The following RAPH1 variants were observed in gnomAD, a reference collection of about 807,000 sequenced individuals.
The protein encoded by RAPH1 is ras-associated and pleckstrin homology domains-containing protein 1.
RAPH1 carries 18 observed loss-of-function variants against 88.1 expected under a neutral mutation model. The observed-to-expected ratio is 0.20, with a 90% confidence interval of 0.14 to 0.30. The LOEUF is 0.30. Ranked by LOEUF, RAPH1 falls within the 10% of genes least tolerant of loss-of-function variation. RAPH1 has a pLI of 1.00. For synonymous variants in RAPH1, 587 were observed against 559.0 expected, an observed-to-expected ratio of 1.05 and a Z score of -0.71; for missense variants, 1,448 against 1,543.2, an observed-to-expected ratio of 0.94 and a Z score of 1.03.
intron 8 of RAPH1, among the ~76,000 whole-genome samples, chr2:203,455,899 T>C (rs1267400543): frequency 6.7e-6 from 1 of 149,244 alleles, no homozygotes; most frequent in Non-Finnish European, 1.5e-5. Context: ...GTCCCAGTTA[T>C]GTGGGCAGCT....
At chr2:203,523,329 C>A (rs1171240264) in intron 1 of RAPH1, among the ~76,000 whole-genome samples, 1 of 149,312 alleles carries the variant, frequency 6.7e-6, no homozygotes, top group Non-Finnish European at 1.5e-5. Flanking sequence ...GGGGGCGGAG[C>A]TTGCAGTGAG....
Position 203,437,493 on chromosome 2 carries a change from TAAC to T in RAPH1, c.*1941_*1943del, listed in dbSNP as rs2098499450. On this transcript the variant is annotated 3_prime_UTR_variant, in exon 14 of 14. Transcript: ENST00000319170. ...CCCAAATTTCTGTGCATGCTTAAAT[TAAC>T]AATGCAGATGTGTTAAAGATCACTT... The T allele has an allele frequency of 1.3e-5, 2 of 152,324 alleles. No individual in the cohort carries two copies. Among genetic ancestry groups the T allele is most frequent in the African/African-American group, 2.4e-5 (1 of 41,566 alleles). 9.4% of individuals were successfully genotyped at this position (152,324 alleles called of 1,614,324 possible). A position where few individuals can be genotyped will look rare whatever the true frequency, so the allele number is the denominator to read the frequency against.
At position 203,506,893 on chromosome 2, in the gene RAPH1, T is replaced by TAG. The variant is rs1559495150; in HGVS notation, c.1-11541_1-11540insCT. The stretch of plus-strand genomic sequence containing the variant: ...ATATATATATATAGATATATATATA[T>TAG]ATATATTTTTTTTTTTTTTGAGATG... On this transcript the variant is annotated intron_variant, in intron 1 of 13. Coordinates refer to ENST00000319170, the MANE Select transcript of RAPH1 (RefSeq NM_213589.3). 2.9e-5 allele frequency among the ~76,000 whole-genome samples: 3 copies of TAG among 103,010 alleles called. No homozygotes were observed. The East Asian group carries it at 7.6e-4, about 26-fold the overall frequency. The allele number at this position is 103,010 out of a possible 152,430, so 67.6% of individuals were successfully genotyped here. A position where few individuals can be genotyped will look rare whatever the true frequency, so the allele number is the denominator to read the frequency against.
At chr2:203,514,037 TTCA>T (rs1689487355) in intron 1 of RAPH1, among the ~76,000 whole-genome samples, 1 of 151,882 alleles carries the variant, frequency 6.6e-6, no homozygotes, top group Non-Finnish European at 1.5e-5. Context: ...GAGACAGGGT[TTCA>T]TCATGTTGGG....
In RAPH1 at chr2:203,434,209, A is replaced by ATAAT. The variant is rs933519868; in HGVS notation, c.*5224_*5227dup. On this transcript the variant is annotated 3_prime_UTR_variant, in exon 14 of 14. Transcript: ENST00000319170. The stretch of plus-strand genomic sequence containing the variant: ...CACTGAGCTGTGCATAATCCTTTGA[A>ATAAT]TAATAATGTCCTCTACCTGGTACAT... 2 of 152,584 alleles carry ATAAT rather than the reference A, an allele frequency of 1.3e-5. No individual in the cohort carries two copies. The highest frequency in any genetic ancestry group is 1.9e-4 in the East Asian group (1 of 5,198). The allele number at this position is 152,584 out of a possible 1,614,324, so 9.5% of individuals were successfully genotyped here.
At chr2:203,491,856 A>G (rs1286082702) in intron 2 of RAPH1, among the ~76,000 whole-genome samples, 3 of 152,224 alleles carry the variant, frequency 2.0e-5, no homozygotes, top group Admixed American at 6.5e-5. Context: ...CAGAGTAAAT[A>G]TCTTTTCAAA....
chr2:203,523,412 G>A (rs943419476), intron 1 of RAPH1, among the ~76,000 whole-genome samples: 2 of 148,060 alleles, frequency 1.4e-5, no homozygotes, highest in Non-Finnish European at 3.0e-5. Flanking sequence ...AAAAAACCAC[G>A]TCAGAACTGA....
intron 1 of RAPH1, among the ~76,000 whole-genome samples, chr2:203,506,857 T>TATAG (rs1689086772): frequency 6.4e-5 from 3 of 46,922 alleles, no homozygotes; most frequent in African/African-American, 2.7e-4. Context: ...TATCTATATC[T>TATAG]ATATATATAT....
intron 1 of RAPH1, among the ~76,000 whole-genome samples, chr2:203,516,497 C>G (rs942045235): frequency 7.2e-5 from 11 of 152,190 alleles, no homozygotes; most frequent in Non-Finnish European, 1.3e-4. Flanking sequence ...CGCCTGTAAT[C>G]CCAGATTTTG....
chr2:203,472,154 A>G (rs2098533767), intron 4 of RAPH1, among the ~76,000 whole-genome samples: 1 of 147,808 alleles, frequency 6.8e-6, no homozygotes. Context: ...TTTTTTTGAG[A>G]CAGAGTCTCC....
At position 203,434,661 on chromosome 2, in the gene RAPH1, CA is replaced by C. The variant is rs2153631180; in HGVS notation, c.*4775del. 2 of 152,340 alleles carry C rather than the reference CA, an allele frequency of 1.3e-5. No individual in the cohort carries two copies. The highest frequency in any genetic ancestry group is 2.9e-5 in the Non-Finnish European group (2 of 67,980). 9.4% of individuals were successfully genotyped at this position (152,340 alleles called of 1,614,324 possible). ...ATAAATTTAACGAATGGACAGTTTG[CA>C]AAATATAAGGGTTTCTCCCCCTTTA... On this transcript the variant is annotated 3_prime_UTR_variant, in exon 14 of 14. Coordinates refer to ENST00000319170, the MANE Select transcript of RAPH1 (RefSeq NM_213589.3).
At chr2:203,531,185 A>G (rs1047764661) in intron 1 of RAPH1, among the ~76,000 whole-genome samples, 4 of 152,234 alleles carry the variant, frequency 2.6e-5, no homozygotes, top group Non-Finnish European at 2.9e-5. Context: ...CCTCTTGGAT[A>G]TAACACCAAA....
At chr2:203,462,598 A>G (rs2153642270) in intron 4 of RAPH1, among the ~76,000 whole-genome samples, 1 of 152,218 alleles carries the variant, frequency 6.6e-6, no homozygotes, top group East Asian at 1.9e-4. Context: ...GTTTACTGAC[A>G]ATATTTTTAA....
chr2:203,509,970 T>TGCCA, intron 1 of RAPH1, among the ~76,000 whole-genome samples: 1 of 152,242 alleles, frequency 6.6e-6, no homozygotes, highest in Middle Eastern at 3.4e-3. Context: ...GCAGAGCAGA[T>TGCCA]GCCAGCATCA....
intron 4 of RAPH1, among the ~76,000 whole-genome samples, chr2:203,464,094 C>T (rs1417849265): frequency 1.3e-5 from 2 of 152,120 alleles, no homozygotes; most frequent in Non-Finnish European, 2.9e-5. Flanking sequence ...GGATAATGAT[C>T]TTATTATGTT....
intron 13 of RAPH1, chr2:203,444,323 T>G (rs1468111539): frequency 6.7e-6 from 1 of 149,280 alleles, no homozygotes; most frequent in Non-Finnish European, 1.5e-5. Flanking sequence ...TCCCAGCTAC[T>G]CGGGAGGCTG....
chr2:203,434,566 C>CA lies in RAPH1; in HGVS notation c.*4870dup, dbSNP rs369267717. The stretch of plus-strand genomic sequence containing the variant: ...CTAGAAGGGGTTATTTTACAAGTAG[C>CA]AAAAAAAAAAAAAAAAGTAGGAGGT... On this transcript the variant is annotated 3_prime_UTR_variant, in exon 14 of 14. Transcript: ENST00000319170. The CA allele has an allele frequency of 0.03, 3,039 of 102,578 alleles. 54 individuals are homozygous for CA. The highest frequency in any genetic ancestry group is 0.098 in the South Asian group (320 of 3,252). The allele number at this position is 102,578 out of a possible 1,614,324, so 6.4% of individuals were successfully genotyped here. A position where few individuals can be genotyped will look rare whatever the true frequency, so the allele number is the denominator to read the frequency against.
In RAPH1 at chr2:203,434,055, T is replaced by C. The variant is rs990361725; in HGVS notation, c.*5382A>G. On this transcript the variant is annotated 3_prime_UTR_variant, in exon 14 of 14. Transcript: ENST00000319170. ...TCTCTCTCATATATCTATCTATCTATCTATATATATATATATATATATATA... is the reference window on the plus strand; with the variant it reads ...TCTCTCTCATATATCTATCTATCTACCTATATATATATATATATATATATA... 7.8e-6 allele frequency: 1 copy of C among 128,328 alleles called. No individual in the cohort carries two copies. Among genetic ancestry groups the C allele is most frequent in the Non-Finnish European group, 1.6e-5 (1 of 60,930 alleles). The allele number at this position is 128,328 out of a possible 1,614,324, so 7.9% of individuals were successfully genotyped here.
chr2:203,476,689 TAAGA>T (rs1470989640), intron 4 of RAPH1, among the ~76,000 whole-genome samples: 4 of 152,194 alleles, frequency 2.6e-5, no homozygotes, highest in Non-Finnish European at 4.4e-5. Flanking sequence ...TAAATTTTTT[TAAGA>T]AAGAAACTAG....
Sources: allele counts gnomAD v4.1 joint callset (sites outside exome capture counted in the v4.1 genomes callset), GRCh38; gene constraint gnomAD v4.1.1; transcripts MANE v1.5; gene names NCBI Gene and HGNC (gene_info 2026-07-23, HGNC 2026-07-21).